VPS53: variants seen among roughly 807,000 people sequenced by gnomAD.
VPS53 encodes vacuolar protein sorting-associated protein 53 homolog.
A neutral mutation model predicts 107.0 loss-of-function variants in VPS53; 70 were observed. The ratio of observed to expected loss-of-function variants is 0.65; its 90% CI spans 0.54 to 0.80. VPS53 has a LOEUF of 0.80. Among genes scored for constraint, VPS53 ranks in the 30% least tolerant of loss-of-function variants. The probability of loss-of-function intolerance (pLI) is 0.00; values close to 1 mark genes in which losing one functional copy is unlikely to be tolerated. For missense variants in VPS53, 917 were observed against 1,049.4 expected (o/e 0.87, Z 1.74); for synonymous variants, 409 against 393.3 (o/e 1.04, Z -0.47).
chr17:555,715 G>C (rs1597292921), intron 15 of VPS53, among the ~76,000 whole-genome samples: 1 of 152,142 alleles, frequency 6.6e-6, no homozygotes, highest in Admixed American at 6.6e-5. Context: ...CACACAAAGA[G>C]CAACCAAACA....
At chr17:535,651 T>A (rs1298528104) in intron 18 of VPS53, among the ~76,000 whole-genome samples, 1 of 152,182 alleles carries the variant, frequency 6.6e-6, no homozygotes, top group African/African-American at 2.4e-5. Flanking sequence ...GAGACACTGC[T>A]TCTACCAGCA....
At chr17:543,831 G>A (rs1597272129) in intron 17 of VPS53, among the ~76,000 whole-genome samples, 2 of 70,780 alleles carry the variant, frequency 2.8e-5, no homozygotes, top group Non-Finnish European at 5.6e-5. Flanking sequence ...GAGGGAGGGA[G>A]GGAGGGAGGG....
intron 4 of VPS53, among the ~76,000 whole-genome samples, chr17:688,576 T>C (rs1001289171): frequency 6.6e-6 from 1 of 152,136 alleles, no homozygotes; most frequent in Non-Finnish European, 1.5e-5. Flanking sequence ...ACGGACATTT[T>C]ATGAGTCCCC....
At chr17:579,800 A>AC (rs1235281578) in intron 13 of VPS53, among the ~76,000 whole-genome samples, 21 of 129,060 alleles carry the variant, frequency 1.6e-4, no homozygotes, top group African/African-American at 6.2e-4. Flanking sequence ...ACAGAGAACC[A>AC]CCCTCAGGAC....
chr17:655,489 C>T (rs1403554551), intron 6 of VPS53, among the ~76,000 whole-genome samples: 2 of 151,920 alleles, frequency 1.3e-5, no homozygotes, highest in Non-Finnish European at 2.9e-5. Context: ...ACTCTGTCTG[C>T]CTGGAGTGCA....
chr17:638,571 G>A (rs1290101174), intron 7 of VPS53, among the ~76,000 whole-genome samples: 1 of 152,152 alleles, frequency 6.6e-6, no homozygotes, highest in Non-Finnish European at 1.5e-5. Flanking sequence ...TCCTTTCCAT[G>A]TTTAGTGCTT....
intron 19 of VPS53, among the ~76,000 whole-genome samples, chr17:525,939 G>C (rs543560444): frequency 6.2e-5 from 9 of 146,124 alleles, no homozygotes; most frequent in South Asian, 4.4e-4. Flanking sequence ...GAAGGTTGCA[G>C]TGAGCCGAGA....
chr17:561,595 C>G (rs1912996234), intron 14 of VPS53, among the ~76,000 whole-genome samples: 1 of 152,166 alleles, frequency 6.6e-6, no homozygotes, highest in Non-Finnish European at 1.5e-5. Flanking sequence ...AAGTTACGTT[C>G]TCTTTGGGTA....
At chr17:620,408 G>A (rs1026604473) in intron 11 of VPS53, among the ~76,000 whole-genome samples, 1 of 152,236 alleles carries the variant, frequency 6.6e-6, no homozygotes, top group African/African-American at 2.4e-5. Context: ...GTAGGAGCTA[G>A]AGAAGGTGGC....
chr17:685,135 A>T (rs973649276), intron 4 of VPS53: 4 of 152,204 alleles, frequency 2.6e-5, no homozygotes, highest in Non-Finnish European at 2.9e-5. Flanking sequence ...CAACACAAAC[A>T]GCTGGAGTGG....
intron 2 of VPS53, among the ~76,000 whole-genome samples, chr17:706,966 G>A (rs1218866624): frequency 3.9e-5 from 6 of 152,070 alleles, no homozygotes; most frequent in Admixed American, 2.6e-4. Flanking sequence ...TTTTAAAAAC[G>A]TGAATGTGCT....
chr17:609,882 C>A (rs1307055938), intron 11 of VPS53, among the ~76,000 whole-genome samples: 1 of 152,036 alleles, frequency 6.6e-6, no homozygotes, highest in Non-Finnish European at 1.5e-5. Flanking sequence ...GTAATCCCAG[C>A]ACTTTGGGAG....
In VPS53 at chr17:710,652, T is replaced by C. The variant is rs77192280; in HGVS notation, c.88-39A>G. The C allele has an allele frequency of 5.6e-6, 8 of 1,417,528 alleles. No homozygotes were observed. The Admixed American group carries it at 1.4e-4, about 25-fold the overall frequency. The allele number at this position is 1,417,528 out of a possible 1,614,324, so 87.8% of individuals were successfully genotyped here. ...GAGGAGTATATATAAAAACATGTAG[T>C]ATACCGTAAATATATATAATTTTAA... On this transcript the variant is annotated intron_variant, in intron 1 of 21. Coordinates refer to ENST00000437048, the MANE Select transcript of VPS53 (RefSeq NM_001128159.3).
chr17:647,725 G>A (rs904860159), intron 7 of VPS53, among the ~76,000 whole-genome samples: 4 of 152,128 alleles, frequency 2.6e-5, no homozygotes, highest in African/African-American at 4.8e-5. Context: ...TGCCAAGCTC[G>A]GCAAGATGCA....
chr17:521,942 T>C (rs1169124099), intron 19 of VPS53, among the ~76,000 whole-genome samples: 1 of 152,124 alleles, frequency 6.6e-6, no homozygotes, highest in East Asian at 1.9e-4. Context: ...AGCCAGCCTA[T>C]GTGTACGTAT....
chr17:532,520 G>A (rs1182060846), intron 19 of VPS53: 22 of 309,384 alleles, frequency 7.1e-5, no homozygotes, highest in South Asian at 1.1e-4. Flanking sequence ...CAGGCCTCCC[G>A]AAATGCTGGG....
chr17:657,850 T>C (rs1474172716), intron 5 of VPS53, among the ~76,000 whole-genome samples: 5 of 151,240 alleles, frequency 3.3e-5, no homozygotes, highest in Admixed American at 2.0e-4. Flanking sequence ...TATATCCTCA[T>C]TAAAGTGAGA....
chr17:623,278 A>G (rs1205599973), intron 11 of VPS53, among the ~76,000 whole-genome samples: 2 of 152,240 alleles, frequency 1.3e-5, no homozygotes, highest in African/African-American at 2.4e-5. Context: ...CAAAATTACT[A>G]GTCTGTAAAA....
intron 4 of VPS53, among the ~76,000 whole-genome samples, chr17:694,555 G>C (rs532693551): frequency 1.3e-5 from 2 of 152,268 alleles, no homozygotes; most frequent in African/African-American, 4.8e-5. Context: ...TCCAAATGTA[G>C]GCTGAATCAC....
Sources: allele counts gnomAD v4.1 joint callset (sites outside exome capture counted in the v4.1 genomes callset), GRCh38; gene constraint gnomAD v4.1.1; transcripts MANE v1.5; gene names NCBI Gene and HGNC (gene_info 2026-07-23, HGNC 2026-07-21).